Variants in RESF1 observed in about 807,000 individuals in gnomAD.
RESF1 encodes gonad expressed transcript.
Under a neutral mutation model 134.7 loss-of-function variants are expected in RESF1, and 65 were observed. The ratio of observed to expected loss-of-function variants is 0.48; its 90% confidence interval spans 0.40 to 0.59. The LOEUF is 0.59. RESF1 is among the 20% of genes least tolerant of loss of function. The pLI, the probability that RESF1 is intolerant of heterozygous loss-of-function variation, is 0.00. For synonymous variants in RESF1, 762 were observed against 702.2 expected (o/e 1.09, Z -1.35); for missense variants, 2,274 against 2,002.7 (o/e 1.14, Z -2.59).
chr12:31,961,903 T>C (rs1939278252), intron 2 of RESF1, among the ~76,000 whole-genome samples: 2 of 152,182 alleles, frequency 1.3e-5, no homozygotes, highest in African/African-American at 4.8e-5. Context: ...CTCAAATGCT[T>C]AGGGAATTGA....
chr12:31,975,514 A>G (rs1051536928), intron 3 of RESF1, among the ~76,000 whole-genome samples: 100 of 152,242 alleles, frequency 6.6e-4, no homozygotes, highest in African/African-American at 2.3e-3. Context: ...AAATAACTTT[A>G]TGAAATCAAA....
At chr12:31,977,645 C>T (rs1036466965) in intron 3 of RESF1, among the ~76,000 whole-genome samples, 1 of 152,102 alleles carries the variant, frequency 6.6e-6, no homozygotes, top group Non-Finnish European at 1.5e-5. Context: ...CTAACTTTGT[C>T]ATAAAACAAG....
intron 4 of RESF1, among the ~76,000 whole-genome samples, chr12:31,986,883 G>A (rs1377312018): frequency 2.0e-5 from 3 of 152,144 alleles, no homozygotes; most frequent in African/African-American, 4.8e-5. Flanking sequence ...GATTTCAATA[G>A]GTTCTTTCAT....
rs758195839 is a variant in RESF1, at chr12:31,984,979, C to T, written c.4024C>T (p.Pro1342Ser). The change falls in exon 4 of 6, where the codon CCA becomes TCA. Residue 1342 changes from proline (P) to serine (S), a missense_variant. Transcript: ENST00000312561. ...RPLKTKTAFL[P>S]NKDVYKKHSS... The stretch of plus-strand genomic sequence containing the variant: ...ACTAAAAACAAAAACAGCTTTTTTG[C>T]CAAATAAAGATGTGTATAAGAAGCA... The T allele has an allele frequency of 1.2e-6, 2 of 1,612,642 alleles. No individual in the cohort carries two copies. Among genetic ancestry groups the T allele is most frequent in the South Asian group, 1.1e-5 (1 of 90,524 alleles).
Position 31,984,904 on chromosome 12 carries a change from G to A in RESF1, c.3949G>A (p.Ala1317Thr). ...TAAAATGACAGCATCTTATGAACAA[G>A]CTTCTCAGGAAACCCGACAGAAGAA... ...SNKMTASYEQ[A>T]SQETRQKKHV... Residue 1317 changes from alanine (A) to threonine (T), a missense_variant, in exon 4 of 6, where the codon GCT becomes ACT. Coordinates refer to ENST00000312561, the MANE Select transcript of RESF1 (RefSeq NM_018169.4). 2 of 1,611,264 alleles carry A rather than the reference G, an allele frequency of 1.2e-6. No homozygotes were observed. The highest frequency in any genetic ancestry group is 1.7e-6 in the Non-Finnish European group (2 of 1,179,396).
chr12:31,992,815 C>A lies in RESF1; in HGVS notation c.*280C>A, dbSNP rs77653313. The A allele has an allele frequency of 7.2e-4, 260 of 359,586 alleles. 2 individuals are homozygous for A. The East Asian group carries it at 0.017, about 23-fold the overall frequency. The allele number at this position is 359,586 out of a possible 1,614,324, so 22.3% of individuals were successfully genotyped here. On this transcript the variant is annotated 3_prime_UTR_variant, in exon 6 of 6. Transcript: ENST00000312561. ...TTTTAAAAGGAATGCTTATACAAAT[C>A]AATTTGAAATTCTACCCATCTTGAG...
intron 1 of RESF1, chr12:31,959,805 G>C (rs1018686604): frequency 1.3e-5 from 2 of 152,104 alleles, no homozygotes; most frequent in African/African-American, 4.8e-5. Flanking sequence ...CTCGCTGGCT[G>C]TTTTCCCTCA....
chr12:31,990,978 T>C (rs982052248), intron 5 of RESF1, among the ~76,000 whole-genome samples: 2 of 152,146 alleles, frequency 1.3e-5, no homozygotes, highest in East Asian at 3.9e-4. Context: ...GAGGATGGCT[T>C]GAGCCCAGGA....
At chr12:31,976,803 G>C (rs995962872) in intron 3 of RESF1, among the ~76,000 whole-genome samples, 1 of 152,110 alleles carries the variant, frequency 6.6e-6, no homozygotes. Flanking sequence ...GGGAAGAGAA[G>C]GGGTTGGTCT....
intron 5 of RESF1, among the ~76,000 whole-genome samples, chr12:31,989,371 G>C (rs1940046782): frequency 7.2e-6 from 1 of 138,398 alleles, no homozygotes; most frequent in African/African-American, 2.7e-5. Context: ...ACTCCAGCCT[G>C]GGTGACAGAG....
At chr12:31,964,858 A>T (rs1323408222) in intron 2 of RESF1, among the ~76,000 whole-genome samples, 1 of 152,182 alleles carries the variant, frequency 6.6e-6, no homozygotes, top group Non-Finnish European at 1.5e-5. Flanking sequence ...CTTACTAGGG[A>T]CCATAAATGT....
At chr12:31,963,796 A>G (rs1939333573) in intron 2 of RESF1, among the ~76,000 whole-genome samples, 1 of 152,242 alleles carries the variant, frequency 6.6e-6, no homozygotes, top group Admixed American at 6.5e-5. Flanking sequence ...AACACTTCAT[A>G]TAATTGAAGT....
chr12:31,980,089 TG>T (rs1430992237), intron 3 of RESF1, among the ~76,000 whole-genome samples: 2 of 149,750 alleles, frequency 1.3e-5, no homozygotes, highest in African/African-American at 4.9e-5. Context: ...TGTTTGCTTA[TG>T]CCAGAAATTT....
intron 5 of RESF1, among the ~76,000 whole-genome samples, chr12:31,991,679 T>C (rs1225920690): frequency 6.6e-6 from 1 of 152,166 alleles, no homozygotes; most frequent in African/African-American, 2.4e-5. Context: ...TGGAGTGCAG[T>C]CGTGTGATAT....
intron 4 of RESF1, among the ~76,000 whole-genome samples, chr12:31,986,206 A>G (rs1183402439): frequency 6.6e-6 from 1 of 152,222 alleles, no homozygotes; most frequent in African/African-American, 2.4e-5. Context: ...AACTTGCCAG[A>G]TAGAAATATT....
chr12:31,960,747 T>G (rs572874887), intron 1 of RESF1, 30 bp from the exon 2 acceptor site: 6 of 152,334 alleles, frequency 3.9e-5, no homozygotes, highest in African/African-American at 1.4e-4. Context: ...ATGTGCTCTT[T>G]TATTATAAAA....
At position 31,982,016 on chromosome 12, in the gene RESF1, T is replaced by G; in HGVS notation, c.1061T>G (p.Ile354Ser). Reference sequence around the variant, plus strand: ...AGCAAACAGCCTTTTAACAGTCCCATTAGATCTTCTGTGGATGGTGTTCAG... The same window carrying G: ...AGCAAACAGCCTTTTAACAGTCCCAGTAGATCTTCTGTGGATGGTGTTCAG... ...TNSKQPFNSP[I>S]RSSVDGVQTL... Residue 354 changes from isoleucine (I) to serine (S), a missense_variant, in exon 4 of 6, where the codon ATT (isoleucine) becomes AGT (serine). By Grantham distance (142) the Ile-to-Ser change is moderately radical. Coordinates refer to ENST00000312561, the MANE Select transcript of RESF1 (RefSeq NM_018169.4). The G allele has an allele frequency of 6.2e-7, 1 of 1,614,098 alleles. No individual in the cohort carries two copies. Among genetic ancestry groups the G allele is most frequent in the South Asian group, 1.1e-5 (1 of 91,082 alleles).
Position 31,982,424 on chromosome 12 carries a change from A to G in RESF1, c.1469A>G (p.Gln490Arg). The part of the protein sequence containing the change: ...KTQCMLNSDI[Q>R]EVNCRRFNQV... ...CAATGTATGTTGAATTCTGACATTC[A>G]GGAAGTCAATTGCAGAAGGTTTAAC... Residue 490 changes from glutamine to arginine, a missense_variant, in exon 4 of 6, where the codon CAG (glutamine) becomes CGG (arginine). Coordinates refer to ENST00000312561, the MANE Select transcript of RESF1 (RefSeq NM_018169.4). The G allele has an allele frequency of 6.2e-7, 1 of 1,614,080 alleles. No individual in the cohort carries two copies. Among genetic ancestry groups the G allele is most frequent in the Non-Finnish European group, 8.5e-7 (1 of 1,180,020 alleles).
intron 5 of RESF1, among the ~76,000 whole-genome samples, chr12:31,988,817 G>C (rs1043386386): frequency 6.6e-5 from 10 of 152,020 alleles, no homozygotes; most frequent in African/African-American, 2.4e-4. Context: ...TCAGCCTCCT[G>C]AGTAGCTGGG....
Sources: gnomAD v4.1 joint callset for allele counts (sites outside exome capture counted in the v4.1 genomes callset) on GRCh38, gnomAD v4.1.1 for gene constraint, MANE v1.5 for transcripts, NCBI Gene and HGNC (gene_info 2026-07-23, HGNC 2026-07-21) for gene names.